TUBA4B: variants seen among roughly 807,000 people sequenced by gnomAD.
TUBA4B encodes tubulin alpha 4b, also known as tubulin-like protein alpha-4B.
TUBA4B carries 13 observed loss-of-function variants against 18.4 expected under a neutral mutation model. That is an observed-to-expected ratio of 0.71 (90% CI 0.46 to 1.12). TUBA4B has a LOEUF of 1.12. Ranked by LOEUF, TUBA4B falls within the 50% of genes most tolerant of loss-of-function variation. The probability of loss-of-function intolerance (pLI) is 0.00; values close to 1 mark genes in which losing one functional copy is unlikely to be tolerated. For synonymous variants in TUBA4B, 101 were observed against 99.1 expected (o/e 1.02, Z -0.11); for missense variants, 244 against 250.0 (o/e 0.98, Z 0.16).
Position 219,254,020 on chromosome 2 carries a change from C to A in TUBA4B, c.12+601C>A, listed in dbSNP as rs1295022399. On this transcript the variant is annotated intron_variant, in intron 1 of 3. Transcript: ENST00000490341. ...TGGGCGGCCCGCAGGCCACGCCTCC[C>A]GGGAGGGTAAGCGGCCCCCCCGAGG... 1.3e-5 allele frequency: 9 copies of A among 679,432 alleles called. No homozygotes were observed. The African/African-American group carries it at 1.5e-4, about 11-fold the overall frequency. 42.1% of individuals were successfully genotyped at this position (679,432 alleles called of 1,614,324 possible). A position where few individuals can be genotyped will look rare whatever the true frequency, so the allele number is the denominator to read the frequency against.
rs1559282797 is a variant in TUBA4B at position 219,271,701 on chromosome 2, G to A, written c.*2G>A. 1.2e-6 allele frequency: 2 copies of A among 1,613,084 alleles called. No homozygotes were observed. Among genetic ancestry groups the A allele is most frequent in the East Asian group, 4.5e-5 (2 of 44,896 alleles). On this transcript the variant is annotated 3_prime_UTR_variant, in exon 4 of 4. Transcript: ENST00000490341. ...TTGAGCCTGCCAACCAGATGGTGAA[G>A]TGTGATCCCCGGCACGGCAAGTACA...
chr2:219,268,900 C>T (rs1360889670), intron 2 of TUBA4B, among the ~76,000 whole-genome samples: 2 of 152,106 alleles, frequency 1.3e-5, no homozygotes, highest in Admixed American at 6.5e-5. Context: ...GTTTAAGACC[C>T]ACTTGGGAAA....
Position 219,257,984 on chromosome 2 carries a change from T to G in TUBA4B, c.12+4565T>G, listed in dbSNP as rs201046152. Among the ~76,000 whole-genome samples the G allele has an allele frequency of 1.7e-3, 152 of 90,282 alleles. 1 individual carries two copies. The highest frequency in any genetic ancestry group is 6.8e-3 in the East Asian group (21 of 3,072). 59.2% of individuals were successfully genotyped at this position (90,282 alleles called of 152,430 possible). On this transcript the variant is annotated intron_variant, in intron 1 of 3. Coordinates refer to ENST00000490341, the MANE Select transcript of TUBA4B (RefSeq NM_001355221.1). ...TGAGTCACCTGGCCCATTTTGGGTG[T>G]TTTTTTTTTTTTTTTTTTTTTTGAG...
At chr2:219,269,061 T>C (rs1441584122) in intron 2 of TUBA4B, among the ~76,000 whole-genome samples, 2 of 152,182 alleles carry the variant, frequency 1.3e-5, no homozygotes, top group East Asian at 1.9e-4. Context: ...ATCACATCAC[T>C]GTACTCTAGC....
At chr2:219,255,997 C>T (rs768284229) in intron 1 of TUBA4B, among the ~76,000 whole-genome samples, 2 of 139,606 alleles carry the variant, frequency 1.4e-5, no homozygotes, top group Non-Finnish European at 3.0e-5. Context: ...TATAATGAGG[C>T]TTCTTTGGGG....
chr2:219,266,164 G>C (rs764822162), intron 1 of TUBA4B: 11 of 234,256 alleles, frequency 4.7e-5, no homozygotes, highest in Non-Finnish European at 8.4e-5. Flanking sequence ...TGATGGGTGG[G>C]GGCGGTGCTG....
chr2:219,264,136 A>T (rs962682908), intron 1 of TUBA4B, among the ~76,000 whole-genome samples: 1 of 152,170 alleles, frequency 6.6e-6, no homozygotes, highest in African/African-American at 2.4e-5. Flanking sequence ...GACCAAGTTT[A>T]ATTCATAAAT....
chr2:219,255,480 G>A (rs2125072909), intron 1 of TUBA4B, among the ~76,000 whole-genome samples: 1 of 152,264 alleles, frequency 6.6e-6, no homozygotes, highest in African/African-American at 2.4e-5. Context: ...TGATCCACCT[G>A]CTTCAGCCTC....
intron 1 of TUBA4B, among the ~76,000 whole-genome samples, chr2:219,261,996 C>T (rs1951761843): frequency 1.3e-5 from 2 of 152,342 alleles, no homozygotes; most frequent in South Asian, 2.1e-4. Context: ...GCTGACTCCT[C>T]ACCATTCAGC....
chr2:219,260,609 C>A (rs1266984600), intron 1 of TUBA4B, among the ~76,000 whole-genome samples: 1 of 152,194 alleles, frequency 6.6e-6, no homozygotes. Flanking sequence ...CACCCCACTC[C>A]CTGCCAAACC....
chr2:219,271,546 G>C lies in TUBA4B; in HGVS notation c.573G>C (p.Leu191=), dbSNP rs761514682. ...LRFDGALNVD[L]TEFQTNLVSY... is the part of the protein sequence containing the mutation. ...TTGACGGGGCCCTCAATGTGGACCT[G>C]ACAGAGTTCCAGACCAACCTGGTGT... Residue 191 remains leucine, a synonymous_variant, in exon 4 of 4, where the codon CTG becomes CTC. Coordinates refer to ENST00000490341, the MANE Select transcript of TUBA4B (RefSeq NM_001355221.1). 4.3e-6 allele frequency: 7 copies of C among 1,614,152 alleles called. No homozygotes were observed. The Admixed American group carries it at 1.2e-4, about 27-fold the overall frequency.
chr2:219,268,983 C>T (rs949550384), intron 2 of TUBA4B, among the ~76,000 whole-genome samples: 1 of 152,126 alleles, frequency 6.6e-6, no homozygotes, highest in Non-Finnish European at 1.5e-5. Flanking sequence ...GTAGTCCCAG[C>T]TACTCGGGAG....
In TUBA4B at chr2:219,258,487, GTTTT is replaced by G. The variant is rs765257620; in HGVS notation, c.12+5079_12+5082del. Among the ~76,000 whole-genome samples, 6 of 141,550 alleles carry G rather than the reference GTTTT, an allele frequency of 4.2e-5. No individual in the cohort carries two copies. In the East Asian group the frequency reaches 1.2e-3, roughly 29 times the overall value. 92.9% of individuals were successfully genotyped at this position (141,550 alleles called of 152,430 possible). The stretch of plus-strand genomic sequence containing the variant: ...AGGTGTGCACCACCACGCCTGGCTA[GTTTT>G]TTTTTTTTTTGTATTATTAGTAGAG... On this transcript the variant is annotated intron_variant, in intron 1 of 3. Coordinates refer to ENST00000490341, the MANE Select transcript of TUBA4B (RefSeq NM_001355221.1).
At chr2:219,260,954 A>C (rs1357956228) in intron 1 of TUBA4B, among the ~76,000 whole-genome samples, 1 of 152,064 alleles carries the variant, frequency 6.6e-6, no homozygotes, top group African/African-American at 2.4e-5. Context: ...GGGGGACAAG[A>C]GCGAGACTTC....
intron 1 of TUBA4B, among the ~76,000 whole-genome samples, chr2:219,255,054 C>G (rs887420231): frequency 2.0e-5 from 3 of 152,054 alleles, no homozygotes; most frequent in African/African-American, 7.3e-5. Context: ...CTTTCTCTCT[C>G]TCTCTCTCTC....
At chr2:219,265,556 G>A (rs1184366769) in intron 1 of TUBA4B, among the ~76,000 whole-genome samples, 1 of 152,084 alleles carries the variant, frequency 6.6e-6, no homozygotes, top group Non-Finnish European at 1.5e-5. Flanking sequence ...AGAATCGCTC[G>A]AACCCCGGAG....
intron 1 of TUBA4B, among the ~76,000 whole-genome samples, chr2:219,262,322 A>AAAAACAAAAC (rs527615788): frequency 3.9e-5 from 6 of 152,152 alleles, no homozygotes; most frequent in African/African-American, 1.5e-4. Flanking sequence ...ACTCTGTCTC[A>AAAAACAAAAC]AAAACAAAAC....
chr2:219,271,978 T>C lies in TUBA4B; in HGVS notation c.*279T>C, dbSNP rs955104149. 4.6e-6 allele frequency: 7 copies of C among 1,522,822 alleles called. No individual in the cohort carries two copies. The highest frequency in any genetic ancestry group is 6.4e-6 in the Non-Finnish European group (7 of 1,097,698). 94.3% of individuals were successfully genotyped at this position (1,522,822 alleles called of 1,614,324 possible). A position where few individuals can be genotyped will look rare whatever the true frequency, so the allele number is the denominator to read the frequency against. Reference sequence around the variant, plus strand: ...GCCCGCCTGGACCACAAGTTTGACCTGATGTATGCCAAGAGGGCGTTTGGG... The same window carrying C: ...GCCCGCCTGGACCACAAGTTTGACCCGATGTATGCCAAGAGGGCGTTTGGG... On this transcript the variant is annotated 3_prime_UTR_variant, in exon 4 of 4. Coordinates refer to ENST00000490341, the MANE Select transcript of TUBA4B (RefSeq NM_001355221.1).
In TUBA4B at chr2:219,257,043, C is replaced by CTTTTTTT. The variant is rs368841707; in HGVS notation, c.12+3638_12+3644dup. Reference sequence around the variant, plus strand: ...TTCAGTTCTGTAAGACCCATTTTGGCTTTTTTTTTTTTTTTTTTTTAAGAT... The same window carrying CTTTTTTT: ...TTCAGTTCTGTAAGACCCATTTTGGCTTTTTTTTTTTTTTTTTTTTTTTTTTTAAGAT... On this transcript the variant is annotated intron_variant, in intron 1 of 3. Coordinates refer to ENST00000490341, the MANE Select transcript of TUBA4B (RefSeq NM_001355221.1). Among the ~76,000 whole-genome samples, 19 of 107,578 alleles carry CTTTTTTT rather than the reference C, an allele frequency of 1.8e-4. 2 individuals carry two copies. The highest frequency in any genetic ancestry group is 5.0e-4 in the African/African-American group (14 of 27,848). 70.6% of individuals were successfully genotyped at this position (107,578 alleles called of 152,430 possible).
Sources: allele counts gnomAD v4.1 joint callset (sites outside exome capture counted in the v4.1 genomes callset), GRCh38; gene constraint gnomAD v4.1.1; transcripts MANE v1.5; gene names NCBI Gene and HGNC (gene_info 2026-07-23, HGNC 2026-07-21).